The following LINGO2 variants were observed in gnomAD, a reference collection of about 807,000 sequenced individuals.
The protein encoded by LINGO2 is leucine-rich repeat and immunoglobulin-like domain-containing nogo receptor-interacting protein 2.
In LINGO2, 14 loss-of-function variants were observed where a neutral mutation model predicts 30.6. The observed-to-expected ratio is 0.46, with a 90% CI of 0.30 to 0.72. LINGO2 has a LOEUF of 0.72. Among genes scored for constraint, LINGO2 ranks in the 30% least tolerant of loss-of-function variants. LINGO2 has a pLI of 0.07. For synonymous variants in LINGO2, 317 were observed against 288.5 expected, an observed-to-expected ratio of 1.10 and a Z score of -1.00; for missense variants, 729 against 751.7, an observed-to-expected ratio of 0.97 and a Z score of 0.35.
At chr9:28,925,695 T>C in the LINGO2 span, among the ~76,000 whole-genome samples, 7 of 152,220 alleles carry the variant, frequency 4.6e-5, no homozygotes, top group Non-Finnish European at 7.3e-5. Context: ...TTTTGTGGGT[T>C]CTTCTAGTGA....
intron 4 of LINGO2, among the ~76,000 whole-genome samples, chr9:28,143,117 A>G (rs1435391430): frequency 6.6e-6 from 1 of 152,200 alleles, no homozygotes; most frequent in African/African-American, 2.4e-5. Flanking sequence ...AATAAGTGGT[A>G]AGCTAGTCCT....
At chr9:27,967,847 T>C (rs1820173306) in intron 5 of LINGO2, among the ~76,000 whole-genome samples, 1 of 152,192 alleles carries the variant, frequency 6.6e-6, no homozygotes, top group Non-Finnish European at 1.5e-5. Flanking sequence ...TAATTCATAC[T>C]AAATTGTTAT....
the LINGO2 span, among the ~76,000 whole-genome samples, chr9:29,073,063 A>C: frequency 6.6e-6 from 1 of 151,550 alleles, no homozygotes. Context: ...ATCCTTGTGA[A>C]TATCTGTGTC....
At chr9:29,123,095 T>C in the LINGO2 span, among the ~76,000 whole-genome samples, 1 of 152,066 alleles carries the variant, frequency 6.6e-6, no homozygotes, top group East Asian at 1.9e-4. Context: ...TGTACAGTCA[T>C]TCAATCCCAC....
chr9:28,127,975 C>A (rs1827285875), intron 4 of LINGO2, among the ~76,000 whole-genome samples: 1 of 152,146 alleles, frequency 6.6e-6, no homozygotes, highest in Non-Finnish European at 1.5e-5. Context: ...AGTCATGCAG[C>A]CTTTTCATTA....
intron 3 of LINGO2, among the ~76,000 whole-genome samples, chr9:28,354,937 C>T (rs1331905337): frequency 1.3e-5 from 2 of 152,086 alleles, no homozygotes; most frequent in Non-Finnish European, 2.9e-5. Context: ...TTGTGCATTG[C>T]TGAATTTGTA....
the LINGO2 span, among the ~76,000 whole-genome samples, chr9:28,825,182 C>T: frequency 6.6e-6 from 1 of 152,002 alleles, no homozygotes; most frequent in African/African-American, 2.4e-5. Flanking sequence ...TCTTTTCTCG[C>T]CAATGCCTCC....
intron 4 of LINGO2, among the ~76,000 whole-genome samples, chr9:28,086,391 T>A (rs2133240876): frequency 6.6e-6 from 1 of 152,198 alleles, no homozygotes; most frequent in Middle Eastern, 3.4e-3. Flanking sequence ...AGAGATATAA[T>A]CTTTACAAGA....
chr9:28,140,467 C>T (rs1827641511), intron 4 of LINGO2, among the ~76,000 whole-genome samples: 1 of 152,182 alleles, frequency 6.6e-6, no homozygotes, highest in Non-Finnish European at 1.5e-5. Context: ...TCTTCAAGTG[C>T]ACACACATCA....
chr9:28,408,783 A>C (rs1187843071), intron 2 of LINGO2, among the ~76,000 whole-genome samples: 6 of 78,976 alleles, frequency 7.6e-5, no homozygotes, highest in Non-Finnish European at 1.8e-4. Flanking sequence ...ACAAAAAAAA[A>C]AAAACAAAAA....
intron 2 of LINGO2, among the ~76,000 whole-genome samples, chr9:28,412,547 A>G (rs1283928274): frequency 1.3e-5 from 2 of 152,122 alleles, no homozygotes; most frequent in African/African-American, 2.4e-5. Flanking sequence ...CAAATCTGAT[A>G]GAACTAGTAA....
chr9:28,280,180 G>A (rs186729324), intron 4 of LINGO2, among the ~76,000 whole-genome samples: 18 of 152,136 alleles, frequency 1.2e-4, no homozygotes, highest in Admixed American at 5.9e-4. Context: ...AGTAGTGTGC[G>A]GAAAAATTAC....
At chr9:28,988,865 G>C in the LINGO2 span, among the ~76,000 whole-genome samples, 1 of 152,244 alleles carries the variant, frequency 6.6e-6, no homozygotes, top group Non-Finnish European at 1.5e-5. Flanking sequence ...CAGTTTTGCA[G>C]AACATGCCAG....
the LINGO2 span, among the ~76,000 whole-genome samples, chr9:28,939,754 C>T: frequency 6.6e-6 from 1 of 152,096 alleles, no homozygotes; most frequent in Non-Finnish European, 1.5e-5. Flanking sequence ...ATAGAAGGTA[C>T]TTAAAAAATG....
Position 28,047,300 on chromosome 9 carries a change from G to T in LINGO2, c.-86-34895C>A, listed in dbSNP as rs116620912. Among the ~76,000 whole-genome samples the T allele has an allele frequency of 2.4e-3, 371 of 152,200 alleles. 3 individuals carry two copies. Among genetic ancestry groups the T allele is most frequent in the African/African-American group, 8.5e-3 (355 of 41,544 alleles). ...TGCCCTCCTTTTATGGAGGATGATT[G>T]TAGGTTCTGGCAGGGAGTTCTCCCA... On this transcript the variant is annotated intron_variant, in intron 4 of 5. Coordinates refer to ENST00000379992, the Ensembl canonical transcript of LINGO2.
At chr9:28,902,160 G>C in the LINGO2 span, among the ~76,000 whole-genome samples, 10 of 152,122 alleles carry the variant, frequency 6.6e-5, no homozygotes, top group Non-Finnish European at 8.8e-5. Flanking sequence ...CTCATTTGAA[G>C]AGATAGGAAA....
chr9:28,561,377 G>C (rs1262145706), intron 1 of LINGO2, among the ~76,000 whole-genome samples: 2 of 151,760 alleles, frequency 1.3e-5, no homozygotes, highest in Non-Finnish European at 2.9e-5. Flanking sequence ...TAGGGAATCT[G>C]TGGATTAAAA....
the LINGO2 span, among the ~76,000 whole-genome samples, chr9:28,892,957 T>A: frequency 6.6e-6 from 1 of 152,098 alleles, no homozygotes; most frequent in Non-Finnish European, 1.5e-5. Flanking sequence ...TGATTATATC[T>A]CAAGTAGTGA....
At chr9:28,426,755 T>C (rs1823430521) in intron 2 of LINGO2, among the ~76,000 whole-genome samples, 1 of 152,006 alleles carries the variant, frequency 6.6e-6, no homozygotes, top group African/African-American at 2.4e-5. Flanking sequence ...TAAAGGGAAA[T>C]TGCATCGAGC....
Sources: gnomAD v4.1 joint callset for allele counts (sites outside exome capture counted in the v4.1 genomes callset) on GRCh38, gnomAD v4.1.1 for gene constraint, MANE v1.5 for transcripts, NCBI Gene and HGNC (gene_info 2026-07-23, HGNC 2026-07-21) for gene names.